ADAM32: variants seen among roughly 807,000 people sequenced by gnomAD.
The protein encoded by ADAM32 is disintegrin and metalloproteinase domain-containing protein 32.
ADAM32 carries 89 observed loss-of-function variants against 114.9 expected under a neutral mutation model. That is an observed-to-expected ratio of 0.77 (90% confidence interval 0.65 to 0.92). The LOEUF is 0.92. ADAM32 is among the 40% of genes least tolerant of loss of function. ADAM32 has a pLI of 0.00. For missense variants in ADAM32, 870 were observed against 932.8 expected (o/e 0.93, Z 0.88); for synonymous variants, 285 against 307.5 (o/e 0.93, Z 0.77).
chr8:39,203,015 A>G (rs865841202), intron 11 of ADAM32, among the ~76,000 whole-genome samples: 3 of 152,132 alleles, frequency 2.0e-5, no homozygotes, highest in South Asian at 2.1e-4. Flanking sequence ...TATAATTTCT[A>G]TTCTTTTACA....
intron 19 of ADAM32, among the ~76,000 whole-genome samples, chr8:39,266,496 T>G (rs117780744): frequency 0.01 from 1,529 of 152,324 alleles, 14 homozygotes; most frequent in Middle Eastern, 0.024. Flanking sequence ...GTAGTGAATT[T>G]CTCATTCCCA....
chr8:39,248,098 C>T (rs1046601072), intron 17 of ADAM32, among the ~76,000 whole-genome samples: 8 of 152,140 alleles, frequency 5.3e-5, no homozygotes, highest in Non-Finnish European at 8.8e-5. Flanking sequence ...TACAGACTTA[C>T]AGTATGTTGA....
rs190484861 is a variant in ADAM32, at chr8:39,261,328, C to T, written c.2162+3985C>T. Among the ~76,000 whole-genome samples the T allele has an allele frequency of 1.6e-4, 24 of 152,216 alleles. 1 individual carries two copies. Among genetic ancestry groups the T allele is most frequent in the Admixed American group, 1.4e-3 (22 of 15,280 alleles). Reference sequence around the variant, plus strand: ...ATGAGAACATGCAGTGTTTAAGTTTCTGTTCCTGGCTTATTTCACTTAACA... The same window carrying T: ...ATGAGAACATGCAGTGTTTAAGTTTTTGTTCCTGGCTTATTTCACTTAACA... On this transcript the variant is annotated intron_variant, in intron 19 of 24. Coordinates refer to ENST00000379907, the MANE Select transcript of ADAM32 (RefSeq NM_145004.7).
Position 39,246,151 on chromosome 8 carries a change from G to C in ADAM32, c.1887G>C (p.Gln629His). 6.2e-7 allele frequency: 1 copy of C among 1,613,218 alleles called. No homozygotes were observed. The highest frequency in any genetic ancestry group is 8.5e-7 in the Non-Finnish European group (1 of 1,179,366). ...IKASAHVCSQ[Q>H]CSGHGVCDSR... is the part of the protein sequence containing the mutation. Reference sequence around the variant, plus strand: ...CTTCAGCACATGTTTGTTCACAACAGTGTTCTGGACATGGAGTAAGTAACC... The same window carrying C: ...CTTCAGCACATGTTTGTTCACAACACTGTTCTGGACATGGAGTAAGTAACC... The change falls in exon 17 of 25, where the codon CAG (glutamine) becomes CAC (histidine). Residue 629 changes from glutamine (Q) to histidine (H), a missense_variant. Physicochemically the swap from Gln to His is conservative, Grantham distance 24 (BLOSUM62 0). Coordinates refer to ENST00000379907, the MANE Select transcript of ADAM32 (RefSeq NM_145004.7).
chr8:39,184,249 T>C (rs1806084684), intron 10 of ADAM32, among the ~76,000 whole-genome samples: 1 of 152,198 alleles, frequency 6.6e-6, no homozygotes, highest in South Asian at 2.1e-4. Flanking sequence ...AGTATGCAAT[T>C]CCCCAAGGGA....
chr8:39,238,455 C>T (rs557261553), intron 16 of ADAM32, among the ~76,000 whole-genome samples: 29 of 152,308 alleles, frequency 1.9e-4, no homozygotes, highest in Non-Finnish European at 3.7e-4. Context: ...GATCTTTCCT[C>T]TAACATAGTC....
intron 12 of ADAM32, among the ~76,000 whole-genome samples, chr8:39,215,072 T>G (rs1030323690): frequency 6.6e-6 from 1 of 152,112 alleles, no homozygotes; most frequent in Non-Finnish European, 1.5e-5. Flanking sequence ...TCATTTTGAT[T>G]AGTATACCTC....
chr8:39,220,214 T>G (rs1056635743), intron 12 of ADAM32, among the ~76,000 whole-genome samples: 2 of 152,210 alleles, frequency 1.3e-5, no homozygotes, highest in African/African-American at 4.8e-5. Flanking sequence ...CTTTTATTAC[T>G]GTTTTTGGTC....
chr8:39,216,816 G>T (rs150848695), intron 12 of ADAM32, among the ~76,000 whole-genome samples: 9 of 151,812 alleles, frequency 5.9e-5, no homozygotes, highest in Admixed American at 2.0e-4. Context: ...GTCTTGAAAA[G>T]TTGTAGTTAT....
Position 39,277,544 on chromosome 8 carries a change from C to T in ADAM32, c.2279+1678C>T, listed in dbSNP as rs546714026. On this transcript the variant is annotated intron_variant, in intron 22 of 24. Coordinates refer to ENST00000379907, the MANE Select transcript of ADAM32 (RefSeq NM_145004.7). ...CAGGGGACTCATGACAGGGGTGCCT[C>T]GTTTACTCAGCCTCCTGACTCCTCA... is the stretch of plus-strand genomic sequence containing the variant. Among the ~76,000 whole-genome samples, 9 of 152,330 alleles carry T rather than the reference C, an allele frequency of 5.9e-5. No individual in the cohort carries two copies. In the East Asian group the frequency reaches 1.4e-3, roughly 23 times the overall value.
At chr8:39,193,606 G>C (rs1489716405) in intron 11 of ADAM32, among the ~76,000 whole-genome samples, 1 of 152,220 alleles carries the variant, frequency 6.6e-6, no homozygotes, top group Non-Finnish European at 1.5e-5. Flanking sequence ...TTCTTCCGCT[G>C]GTTCTTTCTC....
intron 16 of ADAM32, among the ~76,000 whole-genome samples, chr8:39,243,307 C>G (rs775938612): frequency 5.9e-5 from 9 of 152,036 alleles, no homozygotes; most frequent in Non-Finnish European, 1.2e-4. Flanking sequence ...ACCCTAATAT[C>G]AAAACCAGGA....
intron 6 of ADAM32, among the ~76,000 whole-genome samples, chr8:39,155,460 T>C (rs1444575425): frequency 6.6e-6 from 1 of 152,200 alleles, no homozygotes; most frequent in East Asian, 1.9e-4. Context: ...AGGCCAAACA[T>C]GTGAGGCTTC....
At chr8:39,113,467 TA>T (rs746447369) in intron 1 of ADAM32, among the ~76,000 whole-genome samples, 6 of 152,104 alleles carry the variant, frequency 3.9e-5, no homozygotes, top group Non-Finnish European at 7.4e-5. Flanking sequence ...CCCAAAACAG[TA>T]TGTATTATCT....
chr8:39,184,630 C>T (rs919246585), intron 10 of ADAM32, among the ~76,000 whole-genome samples: 1 of 152,152 alleles, frequency 6.6e-6, no homozygotes, highest in Non-Finnish European at 1.5e-5. Flanking sequence ...TGAATAGCTA[C>T]AGGTCCCTCT....
At chr8:39,230,414 T>C (rs937059807) in intron 14 of ADAM32, among the ~76,000 whole-genome samples, 1 of 152,236 alleles carries the variant, frequency 6.6e-6, no homozygotes, top group East Asian at 1.9e-4. Context: ...CGTAGACTAA[T>C]AAAATTGAGT....
At chr8:39,168,693 A>T (rs1191746700) in intron 9 of ADAM32, 1 of 152,190 alleles carries the variant, frequency 6.6e-6, no homozygotes, top group East Asian at 1.9e-4. Flanking sequence ...TAGGATTAAT[A>T]TTATTACCTT....
chr8:39,267,125 C>T (rs538318460), intron 19 of ADAM32, among the ~76,000 whole-genome samples: 33 of 152,300 alleles, frequency 2.2e-4, no homozygotes, highest in East Asian at 2.1e-3. Flanking sequence ...TGTATATGTG[C>T]GTGCAGGCAG....
rs1484477709 is a variant in ADAM32, at chr8:39,244,264, C to T, written c.1819-1819C>T. Among the ~76,000 whole-genome samples the T allele has an allele frequency of 4.6e-5, 7 of 152,046 alleles. No individual in the cohort carries two copies. In the East Asian group the frequency reaches 5.8e-4, roughly 13 times the overall value. Reference sequence around the variant, plus strand: ...TCATTCTTCACAGAACTGGAAAAAACGATCCTAAAATTCATATGGAACCAA... The same window carrying T: ...TCATTCTTCACAGAACTGGAAAAAATGATCCTAAAATTCATATGGAACCAA... On this transcript the variant is annotated intron_variant, in intron 16 of 24. Transcript: ENST00000379907.
Sources: gnomAD v4.1 joint callset for allele counts (sites outside exome capture counted in the v4.1 genomes callset) on GRCh38, gnomAD v4.1.1 for gene constraint, MANE v1.5 for transcripts, NCBI Gene and HGNC (gene_info 2026-07-23, HGNC 2026-07-21) for gene names.